The following GRM8 variants were observed in gnomAD, a reference collection of about 807,000 sequenced individuals.
The protein encoded by GRM8 is glutamate metabotropic receptor 8, also known as metabotropic glutamate receptor 8.
A neutral mutation model predicts 87.2 loss-of-function variants in GRM8; 47 were observed. That is an observed-to-expected ratio of 0.54 (90% CI 0.43 to 0.69). GRM8 has a LOEUF of 0.69. Ranked by LOEUF, GRM8 falls within the 30% of genes least tolerant of loss-of-function variation. The pLI is 0.00. For missense variants in GRM8, 1,019 were observed against 1,139.2 expected, an observed-to-expected ratio of 0.89 and a Z score of 1.52; for synonymous variants, 396 against 404.5, an observed-to-expected ratio of 0.98 and a Z score of 0.25.
intron 9 of GRM8, among the ~76,000 whole-genome samples, chr7:126,492,603 A>C (rs1808152344): frequency 6.6e-6 from 1 of 152,058 alleles, no homozygotes; most frequent in African/African-American, 2.4e-5. Flanking sequence ...CTTTATTAAT[A>C]TAGTTGGGTC....
chr7:126,935,762 A>G (rs1383069633), intron 3 of GRM8, among the ~76,000 whole-genome samples: 1 of 152,234 alleles, frequency 6.6e-6, no homozygotes, highest in African/African-American at 2.4e-5. Flanking sequence ...ACCACATCAG[A>G]AAACAATACA....
chr7:126,528,707 A>G (rs947533948), intron 9 of GRM8, among the ~76,000 whole-genome samples: 4 of 151,744 alleles, frequency 2.6e-5, no homozygotes, highest in Middle Eastern at 3.2e-3. Flanking sequence ...TATGAACTCA[A>G]GTCTTCTCTA....
chr7:127,095,265 T>C (rs1419536603), intron 3 of GRM8, among the ~76,000 whole-genome samples: 1 of 151,878 alleles, frequency 6.6e-6, no homozygotes, highest in Non-Finnish European at 1.5e-5. Context: ...GGGTCCATCA[T>C]GACAAAACCA....
chr7:127,160,534 C>CGCGT (rs1554603522), intron 2 of GRM8, among the ~76,000 whole-genome samples: 3 of 151,558 alleles, frequency 2.0e-5, no homozygotes, highest in Non-Finnish European at 4.4e-5. Flanking sequence ...ATCACGCGCG[C>CGCGT]GCACACACAC....
At chr7:126,772,375 T>A (rs1818942170) in intron 6 of GRM8, among the ~76,000 whole-genome samples, 1 of 152,124 alleles carries the variant, frequency 6.6e-6, no homozygotes, top group Non-Finnish European at 1.5e-5. Flanking sequence ...CTGAACTTGA[T>A]AACGGAAAAT....
intron 9 of GRM8, among the ~76,000 whole-genome samples, chr7:126,527,448 A>T (rs1291567526): frequency 6.6e-6 from 1 of 152,248 alleles, no homozygotes; most frequent in Non-Finnish European, 1.5e-5. Flanking sequence ...TTACAAACAT[A>T]CAATGTGGAT....
intron 8 of GRM8, among the ~76,000 whole-genome samples, chr7:126,589,525 T>G (rs1796478037): frequency 6.6e-6 from 1 of 152,100 alleles, no homozygotes; most frequent in African/African-American, 2.4e-5. Flanking sequence ...AACTTGATGG[T>G]ATTTCTCTAC....
At chr7:126,997,538 C>A (rs1461631889) in intron 3 of GRM8, among the ~76,000 whole-genome samples, 1 of 121,966 alleles carries the variant, frequency 8.2e-6, no homozygotes, top group Admixed American at 8.1e-5. Context: ...AACCTTTAGC[C>A]AGACTAAGAA....
At chr7:126,485,643 G>C (rs907974048) in intron 9 of GRM8, among the ~76,000 whole-genome samples, 1 of 151,954 alleles carries the variant, frequency 6.6e-6, no homozygotes, top group Non-Finnish European at 1.5e-5. Flanking sequence ...GTACAAGGGA[G>C]ACAAAACTGA....
chr7:126,962,410 G>A lies in GRM8; in HGVS notation c.728-57727C>T, dbSNP rs188688344. Among the ~76,000 whole-genome samples the A allele has an allele frequency of 8.5e-5, 13 of 152,274 alleles. No individual in the cohort carries two copies. The East Asian group carries it at 2.1e-3, about 25-fold the overall frequency. On this transcript the variant is annotated intron_variant, in intron 3 of 10. Transcript: ENST00000339582. ...AAGCAAAAATAAGATTATAGCACCA[G>A]GAATTTGTTGAATACAAATTTGTTT...
intron 7 of GRM8, among the ~76,000 whole-genome samples, chr7:126,613,476 C>T (rs1172124397): frequency 2.0e-5 from 3 of 152,190 alleles, no homozygotes; most frequent in Non-Finnish European, 4.4e-5. Flanking sequence ...GTGATTTCTG[C>T]ATTTCCAACT....
chr7:126,664,315 G>A (rs1299642100), intron 7 of GRM8, among the ~76,000 whole-genome samples: 1 of 152,034 alleles, frequency 6.6e-6, no homozygotes, highest in African/African-American at 2.4e-5. Flanking sequence ...CCAAAAAAGA[G>A]CCCAAATACT....
chr7:127,237,886 T>A (rs1048035882), intron 2 of GRM8, among the ~76,000 whole-genome samples: 1 of 152,242 alleles, frequency 6.6e-6, no homozygotes, highest in Non-Finnish European at 1.5e-5. Context: ...ATTCAATCTT[T>A]GCTCAAAGTA....
At chr7:127,182,187 C>T (rs1415624443) in intron 2 of GRM8, among the ~76,000 whole-genome samples, 2 of 151,866 alleles carry the variant, frequency 1.3e-5, no homozygotes, top group Non-Finnish European at 2.9e-5. Context: ...GGGCTAAGGA[C>T]ATAAATAGAC....
chr7:126,941,125 G>T (rs1176282600), intron 3 of GRM8, among the ~76,000 whole-genome samples: 1 of 152,064 alleles, frequency 6.6e-6, no homozygotes, highest in African/African-American at 2.4e-5. Context: ...CATCATACAT[G>T]GGGACTTCCC....
chr7:127,156,439 G>C (rs1792737611), intron 2 of GRM8, among the ~76,000 whole-genome samples: 2 of 152,168 alleles, frequency 1.3e-5, no homozygotes, highest in African/African-American at 2.4e-5. Context: ...TGTAAAAAGA[G>C]AGCAGGCTCA....
intron 2 of GRM8, among the ~76,000 whole-genome samples, chr7:127,130,981 T>G (rs771855959): frequency 1.3e-5 from 2 of 152,228 alleles, no homozygotes; most frequent in Non-Finnish European, 2.9e-5. Flanking sequence ...GTAATAATTT[T>G]GTAGCAGTGT....
chr7:126,601,330 G>A (rs374954338), intron 8 of GRM8, among the ~76,000 whole-genome samples: 13 of 152,000 alleles, frequency 8.6e-5, no homozygotes, highest in East Asian at 1.9e-4. Flanking sequence ...CCAGTCTATC[G>A]TTGTTGGACA....
intron 8 of GRM8, among the ~76,000 whole-genome samples, chr7:126,567,980 A>G (rs117547026): frequency 2.2e-3 from 330 of 152,290 alleles, no homozygotes; most frequent in Non-Finnish European, 3.8e-3. Flanking sequence ...AAATTATCAG[A>G]AAGCTATGGA....
Sources: allele counts gnomAD v4.1 joint callset (sites outside exome capture counted in the v4.1 genomes callset), GRCh38; gene constraint gnomAD v4.1.1; transcripts MANE v1.5; gene names NCBI Gene and HGNC (gene_info 2026-07-23, HGNC 2026-07-21).